The following PRUNE2 variants were observed in gnomAD, a reference collection of about 807,000 sequenced individuals.
The protein encoded by PRUNE2 is protein prune homolog 2.
PRUNE2 carries 164 observed loss-of-function variants against 252.0 expected under a neutral mutation model. The observed-to-expected ratio is 0.65, with a 90% CI of 0.57 to 0.74. PRUNE2 has a LOEUF of 0.74. PRUNE2 is among the 30% of genes least tolerant of loss of function. PRUNE2 has a pLI of 0.00. For missense variants in PRUNE2, 3,495 were observed against 3,711.0 expected (o/e 0.94, Z 1.51); for synonymous variants, 1,292 against 1,350.2 (o/e 0.96, Z 0.94).
At chr9:76,670,165 A>G (rs1384687188) in intron 9 of PRUNE2, among the ~76,000 whole-genome samples, 1 of 152,176 alleles carries the variant, frequency 6.6e-6, no homozygotes, top group Non-Finnish European at 1.5e-5. Flanking sequence ...AGGGAGTGCC[A>G]GACAGTGGGC....
intron 6 of PRUNE2, among the ~76,000 whole-genome samples, chr9:76,772,945 C>A (rs1387107155): frequency 1.3e-5 from 2 of 152,160 alleles, no homozygotes; most frequent in African/African-American, 4.8e-5. Flanking sequence ...GGAAGCCCAA[C>A]CAAGTCACTT....
intron 17 of PRUNE2, among the ~76,000 whole-genome samples, chr9:76,621,901 G>A (rs552561834): frequency 4.6e-5 from 7 of 152,020 alleles, no homozygotes; most frequent in Admixed American, 1.3e-4. Flanking sequence ...GCCCAGGCTG[G>A]TCTCTAACTC....
Position 76,710,893 on chromosome 9 carries a change from T to C in PRUNE2, c.1381A>G (p.Thr461Ala), listed in dbSNP as rs748290645. ...TAGGAGTCAAGCCCTGGGAGAAGGG[T>C]GTGGTGAGGCCCAGCACCTTCTCCC... The part of the protein sequence containing the change: ...PVGEGAGPHH[T>A]LLPGLDSYSP... The change falls in exon 8 of 19, where the codon ACC (threonine) becomes GCC (alanine). Residue 461 changes from threonine to alanine, a missense_variant. Coordinates refer to ENST00000376718, the MANE Select transcript of PRUNE2 (RefSeq NM_015225.3). 2 of 1,545,982 alleles carry C rather than the reference T, an allele frequency of 1.3e-6. No individual in the cohort carries two copies. Among genetic ancestry groups the C allele is most frequent in the Non-Finnish European group, 1.7e-6 (2 of 1,147,704 alleles).
intron 6 of PRUNE2, among the ~76,000 whole-genome samples, chr9:76,806,209 G>T (rs1388703878): frequency 6.6e-6 from 1 of 152,210 alleles, no homozygotes; most frequent in Non-Finnish European, 1.5e-5. Flanking sequence ...GAGTGGGAGA[G>T]TGGGGCCTGG....
chr9:76,719,550 C>G (rs1274212275), intron 6 of PRUNE2, among the ~76,000 whole-genome samples: 2 of 151,722 alleles, frequency 1.3e-5, no homozygotes, highest in African/African-American at 4.8e-5. Context: ...CTTTGGGAGG[C>G]CAGGGCAGAA....
At chr9:76,699,924 G>A (rs1204157564) in intron 9 of PRUNE2, among the ~76,000 whole-genome samples, 1 of 152,192 alleles carries the variant, frequency 6.6e-6, no homozygotes, top group East Asian at 1.9e-4. Flanking sequence ...ATGTAGGAAA[G>A]ATCAGGCACA....
In PRUNE2 at chr9:76,710,100, A is replaced by C; in HGVS notation, c.2174T>G (p.Leu725Arg). ...PWESEFGQPE[L>R]GSNDIQDKNE... ...TTTGTCTTGAATATCATTGCTACCC[A>C]GTTCAGGCTGACCAAATTCAGACTC... The change falls in exon 8 of 19, where the codon CTG becomes CGG. Residue 725 changes from leucine to arginine, a missense_variant. Leu to Arg is a moderately radical substitution (Grantham distance 102). Coordinates refer to ENST00000376718, the MANE Select transcript of PRUNE2 (RefSeq NM_015225.3). 1.2e-6 allele frequency: 2 copies of C among 1,613,986 alleles called. No homozygotes were observed. Among genetic ancestry groups the C allele is most frequent in the South Asian group, 2.2e-5 (2 of 91,076 alleles).
At chr9:76,837,571 A>C (rs1012134978) in intron 4 of PRUNE2, among the ~76,000 whole-genome samples, 1 of 151,716 alleles carries the variant, frequency 6.6e-6, no homozygotes, top group Non-Finnish European at 1.5e-5. Flanking sequence ...CATGTGGAAA[A>C]GGATAGAGCA....
At chr9:76,687,461 C>A (rs575043660) in intron 9 of PRUNE2, among the ~76,000 whole-genome samples, 37 of 152,200 alleles carry the variant, frequency 2.4e-4, no homozygotes, top group African/African-American at 8.9e-4. Flanking sequence ...CTTTTCAGGG[C>A]AATATTGAAA....
At chr9:76,619,713 T>C (rs978246320) in intron 17 of PRUNE2, among the ~76,000 whole-genome samples, 1 of 152,232 alleles carries the variant, frequency 6.6e-6, no homozygotes, top group Non-Finnish European at 1.5e-5. Flanking sequence ...GTACCCCAAA[T>C]AATAAAATAC....
rs375959087 is a variant in PRUNE2, at chr9:76,844,987, G to T, written c.508+1528C>A. On this transcript the variant is annotated intron_variant, in intron 4 of 18. Transcript: ENST00000376718. ...AAGACTAGCCTGGGCAATATGGTGAGACCCCCCTCTCTTAAAAAAAAAAAA... is the reference window on the plus strand; with the variant it reads ...AAGACTAGCCTGGGCAATATGGTGATACCCCCCTCTCTTAAAAAAAAAAAA... 1.6e-3 allele frequency among the ~76,000 whole-genome samples: 177 copies of T among 110,490 alleles called. 1 individual carries two copies. The highest frequency in any genetic ancestry group is 5.7e-3 in the African/African-American group (165 of 29,048). The allele number at this position is 110,490 out of a possible 152,430, so 72.5% of individuals were successfully genotyped here.
rs145733505 is a variant in PRUNE2, at chr9:76,853,940, A to G, written c.141+164T>C. ...ATGCCTAACATATAGTAGGTGCCCA[A>G]TAAATATTTGTTGATTCATGGATGA... On this transcript the variant is annotated intron_variant, in intron 2 of 18. Coordinates refer to ENST00000376718, the MANE Select transcript of PRUNE2 (RefSeq NM_015225.3). Among the ~76,000 whole-genome samples, 549 of 152,374 alleles carry G rather than the reference A, an allele frequency of 3.6e-3. 2 individuals are homozygous for G. Among genetic ancestry groups the G allele is most frequent in the African/African-American group, 0.013 (527 of 41,598 alleles).
rs73650282 is a variant in PRUNE2, at chr9:76,706,745, T to C, written c.5529A>G (p.Pro1843=). 4,609 of 1,612,664 alleles carry C rather than the reference T, an allele frequency of 2.9e-3. 105 individuals are homozygous for C. The African/African-American group carries it at 0.055, about 19-fold the overall frequency. The change falls in exon 8 of 19, where the codon CCA becomes CCG. Residue 1843 remains proline (P), a synonymous_variant. Coordinates refer to ENST00000376718, the MANE Select transcript of PRUNE2 (RefSeq NM_015225.3). ...TGGAGTCAGACAGCTCCCTTTCAAATGGACTTTCAATTAGTCTCCCTTCCT... is the reference window on the plus strand; with the variant it reads ...TGGAGTCAGACAGCTCCCTTTCAAACGGACTTTCAATTAGTCTCCCTTCCT... ...SPQEGRLIES[P]FERELSDSSG... is the part of the protein sequence containing the mutation.
Position 76,708,120 on chromosome 9 carries a change from G to A in PRUNE2, c.4154C>T (p.Ser1385Phe). ...TTGAGGACTGAAAGTGACAGCAAGA[G>A]AGCTGATTTTGCCTGATTTAATGCA... ...EICIKSGKIS[S>F]LAVTFSPQTE... Residue 1385 changes from serine (S) to phenylalanine (F), a missense_variant, in exon 8 of 19, where the codon TCT becomes TTT. Transcript: ENST00000376718. 6.2e-7 allele frequency: 1 copy of A among 1,613,978 alleles called. No individual in the cohort carries two copies. Among genetic ancestry groups the A allele is most frequent in the Non-Finnish European group, 8.5e-7 (1 of 1,179,884 alleles).
intron 1 of PRUNE2, among the ~76,000 whole-genome samples, chr9:76,877,012 T>C (rs1215070247): frequency 1.3e-5 from 2 of 152,104 alleles, no homozygotes; most frequent in Non-Finnish European, 2.9e-5. Flanking sequence ...TAACTAGCAG[T>C]GAGTCTTTGA....
Position 76,611,564 on chromosome 9 carries a change from G to C in PRUNE2, c.*3006C>G, listed in dbSNP as rs1041565897. On this transcript the variant is annotated 3_prime_UTR_variant, in exon 19 of 19. Coordinates refer to ENST00000376718, the MANE Select transcript of PRUNE2 (RefSeq NM_015225.3). ...CTTTAGATATATAAAAGATTAATTTGTGCACATCTAAATGTTTCTAAGGGA... is the reference window on the plus strand; with the variant it reads ...CTTTAGATATATAAAAGATTAATTTCTGCACATCTAAATGTTTCTAAGGGA... The C allele has an allele frequency of 6.6e-6, 1 of 152,352 alleles. No individual in the cohort carries two copies. Among genetic ancestry groups the C allele is most frequent in the East Asian group, 1.9e-4 (1 of 5,202 alleles). 9.4% of individuals were successfully genotyped at this position (152,352 alleles called of 1,614,324 possible). A position where few individuals can be genotyped will look rare whatever the true frequency, so the allele number is the denominator to read the frequency against.
At position 76,854,184 on chromosome 9, in the gene PRUNE2, C is replaced by G. The variant is rs1334886392; in HGVS notation, c.61G>C (p.Val21Leu). ...GATTTAGGCCCAATAACCACATGGA[C>G]CTTCTCCAAGCGTTTGCTTCGATTC... ...KLNRSKRLEK[V>L]HVVIGPKSCD... Residue 21 changes from valine to leucine, a missense_variant, in exon 2 of 19, where the codon GTC becomes CTC. By Grantham distance (32) the Val-to-Leu change is conservative (BLOSUM62 1). Transcript: ENST00000376718. 1 of 1,599,034 alleles carries G rather than the reference C, an allele frequency of 6.3e-7. No individual in the cohort carries two copies.
intron 6 of PRUNE2, among the ~76,000 whole-genome samples, chr9:76,768,583 A>ATG (rs55793596): frequency 0.11 from 11,553 of 103,096 alleles, 510 homozygotes; most frequent in East Asian, 0.24. Flanking sequence ...ATGTATATGT[A>ATG]TGTGTGTGTG....
At chr9:76,900,135 T>A (rs553211380) in intron 1 of PRUNE2, among the ~76,000 whole-genome samples, 1 of 152,118 alleles carries the variant, frequency 6.6e-6, no homozygotes, top group Non-Finnish European at 1.5e-5. Flanking sequence ...TGAATCACAA[T>A]GCCATTCACT....
Sources: gnomAD v4.1 joint callset for allele counts (sites outside exome capture counted in the v4.1 genomes callset) on GRCh38, gnomAD v4.1.1 for gene constraint, MANE v1.5 for transcripts, NCBI Gene and HGNC (gene_info 2026-07-23, HGNC 2026-07-21) for gene names.